MAGI2: variants seen among roughly 807,000 people sequenced by gnomAD.
MAGI2 encodes membrane-associated guanylate kinase, WW and PDZ domain-containing protein 2.
A neutral mutation model predicts 133.3 loss-of-function variants in MAGI2; 35 were observed. The ratio of observed to expected loss-of-function variants is 0.26; its 90% CI spans 0.20 to 0.35. The LOEUF is 0.35. Ranked by LOEUF, MAGI2 falls within the 10% of genes least tolerant of loss-of-function variation. The pLI, the probability that MAGI2 is intolerant of heterozygous loss-of-function variation, is 1.00. For missense variants in MAGI2, 1,636 were observed against 1,863.4 expected (o/e 0.88, Z 2.25); for synonymous variants, 729 against 710.6 (o/e 1.03, Z -0.41).
intron 6 of MAGI2, among the ~76,000 whole-genome samples, chr7:78,450,761 C>T (rs1017816846): frequency 6.6e-6 from 1 of 152,016 alleles, no homozygotes; most frequent in Non-Finnish European, 1.5e-5. Flanking sequence ...ATTAGTGATG[C>T]AGCAGGGATG....
Position 78,696,130 on chromosome 7 carries a change from G to A in MAGI2, c.419-68891C>T, listed in dbSNP as rs151004033. 3.0e-3 allele frequency among the ~76,000 whole-genome samples: 454 copies of A among 152,142 alleles called. 5 individuals are homozygous for A. The highest frequency in any genetic ancestry group is 0.011 in the African/African-American group (440 of 41,518). On this transcript the variant is annotated intron_variant, in intron 2 of 21. Transcript: ENST00000354212. The stretch of plus-strand genomic sequence containing the variant: ...TTTTTATTTTTGTTTTGTAGAAAGA[G>A]GGTCTTGCCATCTTGCCCAGGCTGC...
chr7:78,438,656 T>G (rs538168607), intron 6 of MAGI2, among the ~76,000 whole-genome samples: 1 of 152,172 alleles, frequency 6.6e-6, no homozygotes, highest in Non-Finnish European at 1.5e-5. Context: ...GTTTTGTCTT[T>G]AATTTCTCTT....
intron 5 of MAGI2, among the ~76,000 whole-genome samples, chr7:78,501,269 C>T (rs966184794): frequency 6.6e-6 from 1 of 152,122 alleles, no homozygotes; most frequent in Admixed American, 6.6e-5. Flanking sequence ...GCTGAGTAAG[C>T]ACTTTCTCAT....
rs375792764 is a variant in MAGI2 at position 78,127,266 on chromosome 7, G to A, written c.3354C>T (p.Pro1118=). The A allele has an allele frequency of 2.5e-6, 4 of 1,609,600 alleles. No homozygotes were observed. Among genetic ancestry groups the A allele is most frequent in the Non-Finnish European group, 3.4e-6 (4 of 1,177,808 alleles). ...GGGAGTGCTGCCTGTAGTCCAGTAG[G>A]GGAGGCTGCCTGTAGTCCAAGGGTG... The part of the protein sequence containing the change: ...QPPPLDYRQP[P]LLDYRQHSPD... Residue 1118 remains proline (P), a synonymous_variant, in exon 19 of 22, where the codon CCC becomes CCT. Coordinates refer to ENST00000354212, the MANE Select transcript of MAGI2 (RefSeq NM_012301.4).
intron 2 of MAGI2, among the ~76,000 whole-genome samples, chr7:78,737,224 G>C (rs1470016557): frequency 6.6e-6 from 1 of 152,134 alleles, no homozygotes; most frequent in East Asian, 1.9e-4. Context: ...CTTCTCTGAG[G>C]AAAAGAGTGG....
At chr7:78,912,782 C>CATATATATATATCATTCAT (rs1371898911) in intron 2 of MAGI2, among the ~76,000 whole-genome samples, 13 of 141,372 alleles carry the variant, frequency 9.2e-5, no homozygotes, top group South Asian at 4.4e-4. Flanking sequence ...ATATATCATT[C>CATATATATATATCATTCAT]ATATATATAT....
intron 1 of MAGI2, among the ~76,000 whole-genome samples, chr7:79,294,465 A>G (rs2364904): frequency 6.6e-6 from 1 of 152,000 alleles, no homozygotes; most frequent in South Asian, 2.1e-4. Flanking sequence ...CTCCTCCCCA[A>G]TGCAAACAGC....
intron 6 of MAGI2, among the ~76,000 whole-genome samples, chr7:78,376,864 A>T (rs927896406): frequency 2.0e-5 from 3 of 152,104 alleles, no homozygotes; most frequent in African/African-American, 4.8e-5. Context: ...TAAGTTTGCA[A>T]GCGGCATTAC....
intron 3 of MAGI2, among the ~76,000 whole-genome samples, chr7:78,563,683 G>A (rs1800641623): frequency 6.6e-6 from 1 of 152,192 alleles, no homozygotes; most frequent in Non-Finnish European, 1.5e-5. Flanking sequence ...AGTAGTTGGT[G>A]CTGCTTCAAA....
chr7:78,736,980 CTT>C (rs1290088151), intron 2 of MAGI2, among the ~76,000 whole-genome samples: 2 of 152,190 alleles, frequency 1.3e-5, no homozygotes, highest in African/African-American at 4.8e-5. Context: ...GAACTAGACA[CTT>C]TGTGCATGAA....
chr7:78,277,891 A>G (rs1276925397), intron 9 of MAGI2, among the ~76,000 whole-genome samples: 1 of 152,112 alleles, frequency 6.6e-6, no homozygotes, highest in Non-Finnish European at 1.5e-5. Context: ...AAATGCATAG[A>G]AAAGTAATCA....
intron 1 of MAGI2, among the ~76,000 whole-genome samples, chr7:79,148,150 C>A (rs913203092): frequency 6.6e-6 from 1 of 152,166 alleles, no homozygotes; most frequent in Admixed American, 6.5e-5. Flanking sequence ...AACAGCTCTT[C>A]ATGACTGCTC....
intron 6 of MAGI2, among the ~76,000 whole-genome samples, chr7:78,481,134 G>C (rs936867977): frequency 3.3e-5 from 5 of 151,836 alleles, no homozygotes; most frequent in Non-Finnish European, 5.9e-5. Flanking sequence ...AGTAAAGTAG[G>C]AACTATCACT....
At chr7:79,303,499 G>A (rs1837536804) in intron 1 of MAGI2, among the ~76,000 whole-genome samples, 1 of 152,032 alleles carries the variant, frequency 6.6e-6, no homozygotes, top group African/African-American at 2.4e-5. Flanking sequence ...ATCAATCTAA[G>A]CTTATTTTAA....
intron 2 of MAGI2, among the ~76,000 whole-genome samples, chr7:78,665,887 T>A (rs1348645966): frequency 6.6e-6 from 1 of 152,194 alleles, no homozygotes; most frequent in Non-Finnish European, 1.5e-5. Context: ...AGATATAGTC[T>A]GTATCTTTAT....
chr7:78,279,557 C>T (rs957528380), intron 9 of MAGI2, among the ~76,000 whole-genome samples: 1 of 152,114 alleles, frequency 6.6e-6, no homozygotes. Flanking sequence ...GGCATCTTAG[C>T]TGCAGCTAGG....
At chr7:78,185,535 T>C in intron 13 of MAGI2, 94 bp downstream of exon 13, 1 of 985,348 alleles carries the variant, frequency 1.0e-6, no homozygotes, top group Non-Finnish European at 1.5e-6. Flanking sequence ...ACAGCGATTA[T>C]ATACTAGGAA....
At chr7:78,293,274 G>A (rs555785766) in intron 9 of MAGI2, among the ~76,000 whole-genome samples, 3 of 152,182 alleles carry the variant, frequency 2.0e-5, no homozygotes, top group Non-Finnish European at 4.4e-5. Flanking sequence ...AGTAGGCAAA[G>A]GATGTGAACA....
At chr7:79,426,047 C>T (rs1013202108) in intron 1 of MAGI2, among the ~76,000 whole-genome samples, 6 of 152,146 alleles carry the variant, frequency 3.9e-5, no homozygotes, top group South Asian at 2.1e-4. Flanking sequence ...AAACATTATA[C>T]GTATTTGTCT....
Sources: gnomAD v4.1 joint callset for allele counts (sites outside exome capture counted in the v4.1 genomes callset) on GRCh38, gnomAD v4.1.1 for gene constraint, MANE v1.5 for transcripts, NCBI Gene and HGNC (gene_info 2026-07-23, HGNC 2026-07-21) for gene names.